SYNE2: variants seen among roughly 807,000 people sequenced by gnomAD.
SYNE2 encodes the protein nesprin-2.
Under a neutral mutation model 856.3 loss-of-function variants are expected in SYNE2, and 431 were observed. That is an observed-to-expected ratio of 0.50 (90% CI 0.47 to 0.55). The LOEUF is 0.55. SYNE2 is among the 20% of genes least tolerant of loss of function. SYNE2 has a pLI of 0.00. For synonymous variants in SYNE2, 2,923 were observed against 2,872.3 expected (o/e 1.02, Z -0.56); for missense variants, 8,129 against 8,023.2 (o/e 1.01, Z -0.50).
intron 1 of SYNE2, among the ~76,000 whole-genome samples, chr14:63,814,324 CA>C (rs1192480603): frequency 1.1e-4 from 17 of 148,498 alleles, no homozygotes; most frequent in Admixed American, 4.8e-4. Flanking sequence ...CAAAACAAAA[CA>C]AAAAACTGCC....
intron 1 of SYNE2, among the ~76,000 whole-genome samples, chr14:63,772,714 G>A (rs1420195736): frequency 6.6e-6 from 1 of 151,920 alleles, no homozygotes; most frequent in Non-Finnish European, 1.5e-5. Context: ...CTGTACTCTA[G>A]CCTGGGCGGC....
At chr14:63,839,578 C>G (rs1050911328) in intron 1 of SYNE2, among the ~76,000 whole-genome samples, 2 of 151,928 alleles carry the variant, frequency 1.3e-5, no homozygotes, top group Admixed American at 1.3e-4. Context: ...GCCTGTAATC[C>G]CAGCTACTTG....
intron 23 of SYNE2, among the ~76,000 whole-genome samples, chr14:63,995,478 C>T (rs1488845361): frequency 6.6e-6 from 1 of 152,166 alleles, no homozygotes; most frequent in Non-Finnish European, 1.5e-5. Flanking sequence ...AATGTGTCAA[C>T]TGTTACTAAA....
At chr14:63,873,750 A>G (rs558622491) in intron 1 of SYNE2, 1 of 152,258 alleles carries the variant, frequency 6.6e-6, no homozygotes. Flanking sequence ...AACTACATAA[A>G]GCAGGACAAT....
At chr14:63,790,463 A>G in intron 1 of SYNE2, among the ~76,000 whole-genome samples, 1 of 152,212 alleles carries the variant, frequency 6.6e-6, no homozygotes, top group Middle Eastern at 3.2e-3. Context: ...CCCCTCCGCC[A>G]TGTATATTTC....
chr14:64,098,534 A>T, intron 62 of SYNE2: 1 of 619,708 alleles, frequency 1.6e-6, no homozygotes, highest in South Asian at 1.9e-5. Flanking sequence ...GAAGGGGCAC[A>T]GGGGGCCATG....
intron 49 of SYNE2, among the ~76,000 whole-genome samples, chr14:64,060,745 C>G (rs908513450): frequency 2.0e-5 from 3 of 152,032 alleles, no homozygotes; most frequent in Non-Finnish European, 2.9e-5. Flanking sequence ...TCTGTGGTCT[C>G]GACAACCTTT....
chr14:64,091,649 G>T (rs970370481), intron 60 of SYNE2, among the ~76,000 whole-genome samples: 1 of 152,148 alleles, frequency 6.6e-6, no homozygotes, highest in African/African-American at 2.4e-5. Flanking sequence ...TTTGTGTTGT[G>T]GTGGCGGTGG....
intron 1 of SYNE2, among the ~76,000 whole-genome samples, chr14:63,802,556 G>T (rs867867599): frequency 7.9e-5 from 12 of 152,206 alleles, no homozygotes; most frequent in South Asian, 2.1e-4. Flanking sequence ...TTTAAAATGT[G>T]AGAAGAACAT....
chr14:64,118,002 G>A (rs1300961600), intron 66 of SYNE2, among the ~76,000 whole-genome samples: 2 of 152,152 alleles, frequency 1.3e-5, no homozygotes. Flanking sequence ...TTGACTGCAG[G>A]TAACTGAAAC....
chr14:64,009,853 A>C (rs1421270602), intron 31 of SYNE2, 113 bp from the exon 32 acceptor site: 11 of 916,972 alleles, frequency 1.2e-5, no homozygotes, highest in Non-Finnish European at 1.9e-5. Context: ...GAACCACATC[A>C]AGAGGAAAAG....
At chr14:63,770,392 G>C (rs1183983046) in intron 1 of SYNE2, among the ~76,000 whole-genome samples, 2 of 152,142 alleles carry the variant, frequency 1.3e-5, no homozygotes, top group Non-Finnish European at 2.9e-5. Flanking sequence ...TCCCTCTGGT[G>C]GCACATTAGT....
intron 34 of SYNE2, among the ~76,000 whole-genome samples, chr14:64,018,965 T>A (rs1269669142): frequency 2.6e-5 from 4 of 152,190 alleles, no homozygotes; most frequent in Non-Finnish European, 5.9e-5. Flanking sequence ...ATATTATTTG[T>A]TTGTATCATA....
intron 74 of SYNE2, 53 bp downstream of exon 74, chr14:64,128,606 G>C: frequency 9.0e-7 from 1 of 1,106,834 alleles, no homozygotes; most frequent in East Asian, 2.3e-5. Flanking sequence ...ACAGAGCTTT[G>C]CATATAAGCC....
intron 66 of SYNE2, among the ~76,000 whole-genome samples, chr14:64,114,625 C>T (rs918496464): frequency 2.8e-5 from 4 of 141,656 alleles, no homozygotes; most frequent in African/African-American, 7.7e-5. Flanking sequence ...AAAGTCAGTT[C>T]TTTTTTTTTT....
Position 63,963,906 on chromosome 14 carries a change from T to A in SYNE2, c.896T>A (p.Val299Glu). Residue 299 changes from valine to glutamate, a missense_variant, in exon 10 of 116, where the codon GTG becomes GAG. Physicochemically the swap from Val to Glu is moderately radical, Grantham distance 121. This residue lies in a region of SYNE2 where 2,422 missense variants were observed against 2,357.4 expected (regional missense o/e 1.03). Transcript: ENST00000555002. ...TGTGTGTGTAAAATACAGGGAAAGG[T>A]GAAAGATGCTATGGGCTGGTTAACT... Reference protein sequence around the residue: ...PGTGEEAQGKVKDAMGWLTLQ... With the variant: ...PGTGEEAQGKEKDAMGWLTLQ... 6.2e-7 allele frequency: 1 copy of A among 1,611,654 alleles called. No individual in the cohort carries two copies. The highest frequency in any genetic ancestry group is 8.5e-7 in the Non-Finnish European group (1 of 1,178,128).
intron 57 of SYNE2, among the ~76,000 whole-genome samples, chr14:64,086,236 A>G (rs573567290): frequency 2.6e-5 from 4 of 152,304 alleles, no homozygotes; most frequent in African/African-American, 9.6e-5. Flanking sequence ...GGGATATCCA[A>G]TTGTTTCTGC....
At chr14:63,908,744 T>A (rs1167936135) in intron 1 of SYNE2, among the ~76,000 whole-genome samples, 1 of 152,174 alleles carries the variant, frequency 6.6e-6, no homozygotes, top group Non-Finnish European at 1.5e-5. Context: ...AACAATCACA[T>A]AACACTAATG....
chr14:63,794,012 A>T (rs983300679), intron 1 of SYNE2, among the ~76,000 whole-genome samples: 1 of 152,044 alleles, frequency 6.6e-6, no homozygotes, highest in Non-Finnish European at 1.5e-5. Context: ...CTGAAATACC[A>T]TGGTACCAGG....
Sources: allele counts gnomAD v4.1 joint callset (sites outside exome capture counted in the v4.1 genomes callset), GRCh38; gene constraint gnomAD v4.1.1; regional missense constraint gnomAD v4.1.1; transcripts MANE v1.5; gene names NCBI Gene and HGNC (gene_info 2026-07-23, HGNC 2026-07-21).